Variants in PFKFB3 observed in about 807,000 individuals in gnomAD.
The protein encoded by PFKFB3 is 6-phosphofructo-2-kinase/fructose-2,6-bisphosphatase 3.
Under a neutral mutation model 68.0 loss-of-function variants are expected in PFKFB3, and 33 were observed. That is an observed-to-expected ratio of 0.49 (90% confidence interval 0.37 to 0.65). The LOEUF (loss-of-function observed/expected upper bound fraction) is 0.65, where lower values mean the gene tolerates loss of function less well. Among genes scored for constraint, PFKFB3 ranks in the 30% least tolerant of loss-of-function variants. The pLI is 0.00. For synonymous variants in PFKFB3, 315 were observed against 288.2 expected (o/e 1.09, Z -0.94); for missense variants, 586 against 712.2 (o/e 0.82, Z 2.02).
intron 1 of PFKFB3, chr10:6,145,088 C>T (rs1053629499): frequency 1.7e-6 from 2 of 1,179,102 alleles, no homozygotes; most frequent in Non-Finnish European, 2.2e-6. Context: ...GGTACCCGAG[C>T]CTTGGGTCCT....
chr10:6,238,376 G>T (rs1463329709), downstream of PFKFB3, among the ~76,000 whole-genome samples: 1 of 150,792 alleles, frequency 6.6e-6, no homozygotes, highest in East Asian at 1.9e-4. Flanking sequence ...TGTTTGTCAG[G>T]CTGGTCTTGA....
Position 6,235,449 on chromosome 10 carries a change from T to C in PFKFB3, c.*2507T>C, listed in dbSNP as rs1414560034. 2 of 152,338 alleles carry C rather than the reference T, an allele frequency of 1.3e-5. No individual in the cohort carries two copies. The highest frequency in any genetic ancestry group is 4.1e-4 in the South Asian group (2 of 4,834). The allele number at this position is 152,338 out of a possible 1,614,324, so 9.4% of individuals were successfully genotyped here. On this transcript the variant is annotated 3_prime_UTR_variant, in exon 15 of 15. Transcript: ENST00000379775. ...ATTAATGACCTGGGATATAAAGCTA[T>C]GCTAGCTTTCAAACAGGAGATGCCT...
chr10:6,226,152 T>TA lies in PFKFB3; in HGVS notation c.1342-38dup, dbSNP rs3216038. The TA allele has an allele frequency of 5.9e-3, 8,851 of 1,509,870 alleles. 389 individuals are homozygous for TA. The South Asian group carries it at 0.066, about 11-fold the overall frequency. The allele number at this position is 1,509,870 out of a possible 1,614,324, so 93.5% of individuals were successfully genotyped here. Reference sequence around the variant, plus strand: ...GGGCTAATTTTCCTCCCCTTCTTTGTAACTGTCGCCTTTCTCTCTTTTGTC... The same window carrying TA: ...GGGCTAATTTTCCTCCCCTTCTTTGTAAACTGTCGCCTTTCTCTCTTTTGTC... On this transcript the variant is annotated intron_variant, in intron 13 of 14. Coordinates refer to ENST00000379775, the MANE Select transcript of PFKFB3 (RefSeq NM_004566.4).
chr10:6,262,582 C>A, the PFKFB3 span, among the ~76,000 whole-genome samples: 1 of 151,850 alleles, frequency 6.6e-6, no homozygotes, highest in African/African-American at 2.4e-5. Context: ...GCCCTAAGGC[C>A]ATAAGGATAT....
chr10:6,286,801 GT>G, the PFKFB3 span, among the ~76,000 whole-genome samples: 1 of 151,662 alleles, frequency 6.6e-6, no homozygotes, highest in Non-Finnish European at 1.5e-5. Context: ...CCTTGCTGTT[GT>G]TTTTTTTCCA....
rs562415484 is a variant in PFKFB3, at chr10:6,206,633, C to T, written c.76+3297C>T. Among the ~76,000 whole-genome samples, 134 of 151,792 alleles carry T rather than the reference C, an allele frequency of 8.8e-4. 2 individuals are homozygous for T. The East Asian group carries it at 0.025, about 29-fold the overall frequency. On this transcript the variant is annotated intron_variant, in intron 1 of 14. Coordinates refer to ENST00000379775, the MANE Select transcript of PFKFB3 (RefSeq NM_004566.4). ...GGGTGGCTGCCGGGCGGAGACGCTC[C>T]TCACATCCCAGATGGGGCGGCGGGG...
At chr10:6,300,144 T>C in the PFKFB3 span, among the ~76,000 whole-genome samples, 1 of 151,986 alleles carries the variant, frequency 6.6e-6, no homozygotes, top group East Asian at 1.9e-4. Flanking sequence ...GGGTGCCTTG[T>C]TTGTCTCTTC....
intron 1 of PFKFB3, among the ~76,000 whole-genome samples, chr10:6,150,986 C>T (rs1841560060): frequency 1.3e-5 from 2 of 152,170 alleles, no homozygotes; most frequent in African/African-American, 4.8e-5. Context: ...GGCGACAGAG[C>T]CAAACTCAGT....
chr10:6,291,118 G>T, the PFKFB3 span, among the ~76,000 whole-genome samples: 1 of 152,116 alleles, frequency 6.6e-6, no homozygotes, highest in Admixed American at 6.5e-5. Flanking sequence ...CTGTCATTTA[G>T]TTTGCAAGGA....
intron 1 of PFKFB3, among the ~76,000 whole-genome samples, chr10:6,177,435 T>TTCC (rs1842536445): frequency 1.1e-5 from 1 of 87,228 alleles, no homozygotes; most frequent in African/African-American, 4.0e-5. Context: ...CTTTCTTTTC[T>TTCC]TTCTCTTTCT....
the PFKFB3 span, chr10:6,293,966 T>A: frequency 7.8e-6 from 4 of 510,834 alleles, no homozygotes; most frequent in Admixed American, 8.6e-5. Context: ...GAATTTTCCA[T>A]CTTGATCCAA....
At chr10:6,148,262 C>G (rs1033349087) in intron 1 of PFKFB3, among the ~76,000 whole-genome samples, 10 of 152,052 alleles carry the variant, frequency 6.6e-5, no homozygotes, top group African/African-American at 2.4e-4. Flanking sequence ...ACTGGTTGAC[C>G]TCCTGGACTG....
the PFKFB3 span, among the ~76,000 whole-genome samples, chr10:6,280,371 T>G: frequency 6.6e-6 from 1 of 152,224 alleles, no homozygotes; most frequent in East Asian, 1.9e-4. Flanking sequence ...TAGAAACATG[T>G]GCATGGCCCC....
chr10:6,283,583 A>T, the PFKFB3 span, among the ~76,000 whole-genome samples: 1 of 152,272 alleles, frequency 6.6e-6, no homozygotes, highest in East Asian at 1.9e-4. Context: ...AGGAAAGAGC[A>T]GAGGGTGGGC....
intron 1 of PFKFB3, among the ~76,000 whole-genome samples, chr10:6,165,268 G>T (rs144216186): frequency 6.6e-6 from 1 of 152,182 alleles, no homozygotes; most frequent in Non-Finnish European, 1.5e-5. Context: ...CATCCTGCAC[G>T]GCCCTGAATC....
chr10:6,199,313 T>C (rs1843256536), upstream of PFKFB3, among the ~76,000 whole-genome samples: 1 of 152,096 alleles, frequency 6.6e-6, no homozygotes, highest in South Asian at 2.1e-4. Flanking sequence ...CGGTTGCTTG[T>C]GTTTGTTGTT....
chr10:6,192,918 C>G (rs1843073026), intron 1 of PFKFB3, among the ~76,000 whole-genome samples: 1 of 151,634 alleles, frequency 6.6e-6, no homozygotes, highest in African/African-American at 2.4e-5. Flanking sequence ...GTAAGGACCT[C>G]TTGAGGTAGA....
chr10:6,232,234 G>C (rs1288187815), intron 14 of PFKFB3, among the ~76,000 whole-genome samples: 1 of 141,696 alleles, frequency 7.1e-6, no homozygotes, highest in African/African-American at 2.6e-5. Context: ...TGATTTTGGA[G>C]CATGTTTTTT....
chr10:6,148,865 G>T (rs1357262547), intron 1 of PFKFB3, among the ~76,000 whole-genome samples: 1 of 152,026 alleles, frequency 6.6e-6, no homozygotes, highest in Non-Finnish European at 1.5e-5. Flanking sequence ...ATCACTTAAG[G>T]CCAGGAATTT....
Sources: gnomAD v4.1 joint callset for allele counts (sites outside exome capture counted in the v4.1 genomes callset) on GRCh38, gnomAD v4.1.1 for gene constraint, MANE v1.5 for transcripts, NCBI Gene and HGNC (gene_info 2026-07-23, HGNC 2026-07-21) for gene names.